TTLL9: variants seen among roughly 807,000 people sequenced by gnomAD.
TTLL9 encodes the protein tubulin tyrosine ligase like 9, also known as probable tubulin polyglutamylase TTLL9.
In TTLL9, 47 loss-of-function variants were observed where a neutral mutation model predicts 65.6. That is an observed-to-expected ratio of 0.72 (90% CI 0.57 to 0.91). TTLL9 has a LOEUF of 0.91. Ranked by LOEUF, TTLL9 falls within the 40% of genes least tolerant of loss-of-function variation. TTLL9 has a pLI of 0.00. For missense variants in TTLL9, 537 were observed against 568.8 expected (o/e 0.94, Z 0.57); for synonymous variants, 179 against 204.8 (o/e 0.87, Z 1.07).
intron 6 of TTLL9, 34 bp downstream of exon 6, chr20:31,909,956 G>GTTGGC: frequency 1.5e-6 from 1 of 658,918 alleles, no homozygotes; most frequent in Non-Finnish European, 2.8e-6. Context: ...GGGTGGGAGG[G>GTTGGC]AATGAGTCCC....
chr20:31,903,469 T>G (rs1568778812), intron 4 of TTLL9, among the ~76,000 whole-genome samples: 1 of 152,188 alleles, frequency 6.6e-6, no homozygotes, highest in Non-Finnish European at 1.5e-5. Context: ...TAAAAACTTT[T>G]TCATTTTGAT....
At chr20:31,921,815 G>A (rs1272780239) in intron 7 of TTLL9, among the ~76,000 whole-genome samples, 1 of 152,012 alleles carries the variant, frequency 6.6e-6, no homozygotes, top group Non-Finnish European at 1.5e-5. Flanking sequence ...ACACACCGGG[G>A]CTTATTTTGG....
chr20:31,915,530 A>G (rs1322574149), intron 6 of TTLL9, among the ~76,000 whole-genome samples: 2 of 152,146 alleles, frequency 1.3e-5, no homozygotes, highest in Non-Finnish European at 2.9e-5. Context: ...ACCATCAAGT[A>G]ATAGAGCTGC....
At position 31,926,039 on chromosome 20, in the gene TTLL9, T is replaced by C. The variant is rs1197977325; in HGVS notation, c.706-10T>C. On this transcript the variant is annotated splice_polypyrimidine_tract_variant and intron_variant, in intron 9 of 14. Coordinates refer to ENST00000535842, the MANE Select transcript of TTLL9 (RefSeq NM_001008409.5). ...CTGGCCAGTCCCAAGTGAACTCCTTTGTCCCACAGGTGTTTGCTGAATGCC... is the reference window on the plus strand; with the variant it reads ...CTGGCCAGTCCCAAGTGAACTCCTTCGTCCCACAGGTGTTTGCTGAATGCC... The C allele has an allele frequency of 1.9e-6, 3 of 1,613,930 alleles. No individual in the cohort carries two copies. Among genetic ancestry groups the C allele is most frequent in the Non-Finnish European group, 2.5e-6 (3 of 1,179,922 alleles).
chr20:31,879,720 G>A (rs2063082461), intron 2 of TTLL9: 4 of 1,219,862 alleles, frequency 3.3e-6, no homozygotes, highest in Non-Finnish European at 3.4e-6. Flanking sequence ...AGCCTCCAGA[G>A]GTTCTGGTGG....
intron 3 of TTLL9, among the ~76,000 whole-genome samples, chr20:31,895,314 G>C (rs967047387): frequency 6.6e-6 from 1 of 152,280 alleles, no homozygotes; most frequent in Admixed American, 6.5e-5. Flanking sequence ...TTGGAGTCTC[G>C]GAGTTCTTGT....
intron 3 of TTLL9, among the ~76,000 whole-genome samples, chr20:31,891,709 A>G (rs1207700577): frequency 6.6e-6 from 1 of 152,156 alleles, no homozygotes; most frequent in Non-Finnish European, 1.5e-5. Context: ...GGGTCCCTTT[A>G]CAACTTAAAA....
intron 6 of TTLL9, among the ~76,000 whole-genome samples, chr20:31,914,317 T>G (rs900407973): frequency 1.3e-5 from 2 of 152,210 alleles, no homozygotes; most frequent in African/African-American, 4.8e-5. Flanking sequence ...CTTTGACATC[T>G]GGTGAAATGT....
chr20:31,933,729 T>C, intron 10 of TTLL9, 71 bp from the exon 11 acceptor site: 1 of 1,485,274 alleles, frequency 6.7e-7, no homozygotes, highest in Non-Finnish European at 9.3e-7. Flanking sequence ...CTCAGTTCAG[T>C]CCTGGGGACT....
intron 12 of TTLL9, 144 bp from the exon 13 acceptor site, chr20:31,937,252 A>T (rs1270991404): frequency 5.5e-6 from 3 of 548,792 alleles, no homozygotes; most frequent in Non-Finnish European, 9.7e-6. Context: ...CTATAAAAAT[A>T]ATTAAAAAAA....
chr20:31,882,872 G>A (rs554790320), intron 2 of TTLL9, among the ~76,000 whole-genome samples: 1 of 152,120 alleles, frequency 6.6e-6, no homozygotes, highest in Non-Finnish European at 1.5e-5. Flanking sequence ...GTAAGGATTG[G>A]TAGAAGAAAA....
chr20:31,881,698 TG>T (rs1002430044), intron 2 of TTLL9, among the ~76,000 whole-genome samples: 13 of 151,646 alleles, frequency 8.6e-5, no homozygotes, highest in African/African-American at 2.2e-4. Flanking sequence ...TTCAACCTCT[TG>T]GGCTCTAGTG....
intron 2 of TTLL9, among the ~76,000 whole-genome samples, chr20:31,882,790 AC>A (rs2063136872): frequency 2.6e-5 from 4 of 152,116 alleles, no homozygotes; most frequent in Non-Finnish European, 5.9e-5. Context: ...TTAACACAAC[AC>A]ACTTAAAACT....
At chr20:31,925,999 A>C in intron 9 of TTLL9, 50 bp from the exon 10 acceptor site, 1 of 1,610,574 alleles carries the variant, frequency 6.2e-7, no homozygotes, top group Non-Finnish European at 8.5e-7. Flanking sequence ...CGACACACCT[A>C]CCCCTTCCCA....
intron 3 of TTLL9, among the ~76,000 whole-genome samples, chr20:31,896,023 A>G (rs1176142613): frequency 6.6e-6 from 1 of 151,856 alleles, no homozygotes; most frequent in Admixed American, 6.6e-5. Flanking sequence ...TATTTTTAGT[A>G]GAGATGGGGT....
chr20:31,922,939 AATT>A (rs754613584), intron 7 of TTLL9, 21 bp from the exon 8 acceptor site: 350 of 1,557,180 alleles, frequency 2.2e-4, no homozygotes, highest in Non-Finnish European at 2.5e-4. Flanking sequence ...ATAAATGTTC[AATT>A]ATTATTATTA....
At chr20:31,940,581 C>T (rs2064187530) in intron 14 of TTLL9, 1 of 152,208 alleles carries the variant, frequency 6.6e-6, no homozygotes, top group South Asian at 2.1e-4. Context: ...AACCTAGCAG[C>T]TTAAAGCAAC....
chr20:31,895,999 C>T (rs2123456655), intron 3 of TTLL9, among the ~76,000 whole-genome samples: 1 of 152,210 alleles, frequency 6.6e-6, no homozygotes, highest in South Asian at 2.1e-4. Flanking sequence ...GCCACCATGC[C>T]CGGCTAATGT....
chr20:31,907,037 A>G (rs1030388296), intron 4 of TTLL9, among the ~76,000 whole-genome samples: 1 of 152,214 alleles, frequency 6.6e-6, no homozygotes, highest in Non-Finnish European at 1.5e-5. Flanking sequence ...CTCGACCCCT[A>G]TGTATCAAAA....
Sources: allele counts gnomAD v4.1 joint callset (sites outside exome capture counted in the v4.1 genomes callset), GRCh38; gene constraint gnomAD v4.1.1; transcripts MANE v1.5; gene names NCBI Gene and HGNC (gene_info 2026-07-23, HGNC 2026-07-21).